The following B4GALNT4 variants were observed in gnomAD, a reference collection of about 807,000 sequenced individuals.
The protein encoded by B4GALNT4 is N-acetyl-beta-glucosaminyl-glycoprotein 4-beta-N-acetylgalactosaminyltransferase 1.
B4GALNT4 carries 77 observed loss-of-function variants against 110.0 expected under a neutral mutation model. The ratio of observed to expected loss-of-function variants is 0.70; its 90% CI spans 0.58 to 0.85. The LOEUF (loss-of-function observed/expected upper bound fraction) is 0.85. Among genes scored for constraint, B4GALNT4 ranks in the 40% least tolerant of loss-of-function variants. The pLI is 0.00. For synonymous variants in B4GALNT4, 785 were observed against 655.5 expected, an observed-to-expected ratio of 1.20 and a Z score of -3.02; for missense variants, 1,575 against 1,506.0, an observed-to-expected ratio of 1.05 and a Z score of -0.76.
Position 372,067 on chromosome 11 carries a change from A to G in B4GALNT4, c.152-42A>G. The G allele has an allele frequency of 2.7e-6, 4 of 1,502,534 alleles. No individual in the cohort carries two copies. In the South Asian group the frequency reaches 4.8e-5, roughly 18 times the overall value. 93.1% of individuals were successfully genotyped at this position (1,502,534 alleles called of 1,614,324 possible). ...CCAGCAGCAGGCAGAATGGCCTTGG[A>G]GAGAGCCTGGGCCCGAGACAGGCCT... On this transcript the variant is annotated intron_variant, in intron 1 of 19. Coordinates refer to ENST00000329962, the MANE Select transcript of B4GALNT4 (RefSeq NM_178537.5).
In B4GALNT4 at chr11:379,566, C is replaced by A; in HGVS notation, c.2353C>A (p.Arg785Ser). Reference protein sequence around the residue: ...EYVFLRLPGARVGDADGESPE... With the variant: ...EYVFLRLPGASVGDADGESPE... ...CGTCTTCCTGCGGCTGCCGGGAGCCCGCGTAGGGGATGCAGACGGAGAAAG... is the reference window on the plus strand; with the variant it reads ...CGTCTTCCTGCGGCTGCCGGGAGCCAGCGTAGGGGATGCAGACGGAGAAAG... The change falls in exon 15 of 20, where the codon CGC becomes AGC. Residue 785 changes from arginine to serine, a missense_variant. Coordinates refer to ENST00000329962, the MANE Select transcript of B4GALNT4 (RefSeq NM_178537.5). The A allele has an allele frequency of 6.3e-7, 1 of 1,586,556 alleles. No individual in the cohort carries two copies.
chr11:376,347 G>C lies in B4GALNT4; in HGVS notation c.1293G>C (p.Pro431=), dbSNP rs767838226. The change falls in exon 13 of 20, where the codon CCG becomes CCC. Residue 431 remains proline, a synonymous_variant. Transcript: ENST00000329962. The part of the protein sequence containing the change: ...VQRRAFLFLN[P]DDFLDDEDEG... ...GCCGAGCCTTCCTCTTCCTCAACCC[G>C]GACGGTGAGTGTCCGCAGCGCCCCT... The C allele has an allele frequency of 1.2e-6, 2 of 1,607,598 alleles. No homozygotes were observed. Among genetic ancestry groups the C allele is most frequent in the Non-Finnish European group, 1.7e-6 (2 of 1,177,338 alleles).
chr11:373,387 G>C, intron 6 of B4GALNT4, 62 bp from the exon 7 acceptor site: 5 of 1,552,636 alleles, frequency 3.2e-6, no homozygotes, highest in Non-Finnish European at 4.4e-6. Flanking sequence ...GATGGGTTTG[G>C]TGTCCCCAGG....
At position 376,609 on chromosome 11, in the gene B4GALNT4, TGGGCCGCCA is replaced by T; in HGVS notation, c.1495_1503del (p.Ala500_Arg502del). 7.2e-7 allele frequency: 1 copy of T among 1,392,440 alleles called. No individual in the cohort carries two copies. The highest frequency in any genetic ancestry group is 9.3e-7 in the Non-Finnish European group (1 of 1,075,650). The allele number at this position is 1,392,440 out of a possible 1,614,324, so 86.3% of individuals were successfully genotyped here. On this transcript the variant is annotated inframe_deletion, in exon 14 of 20. Transcript: ENST00000329962. The stretch of plus-strand genomic sequence containing the variant: ...CCCCAGGCACTCCCGGGCCCTGAGC[TGGGCCGCCA>T]GGGCCGCCCGCCCTTTGCCGCTCTT...
chr11:380,281 G>T lies in B4GALNT4; in HGVS notation c.2716-11G>T. 1 of 1,612,014 alleles carries T rather than the reference G, an allele frequency of 6.2e-7. No individual in the cohort carries two copies. Among genetic ancestry groups the T allele is most frequent in the Non-Finnish European group, 8.5e-7 (1 of 1,179,168 alleles). Reference sequence around the variant, plus strand: ...GCGGAGGGCGGGGCTCAGACCTCCCGCACCCCCCAGGACGCCAGCAGCATC... The same window carrying T: ...GCGGAGGGCGGGGCTCAGACCTCCCTCACCCCCCAGGACGCCAGCAGCATC... On this transcript the variant is annotated splice_polypyrimidine_tract_variant and intron_variant, in intron 17 of 19. Transcript: ENST00000329962.
chr11:373,066 G>T lies in B4GALNT4; in HGVS notation c.485G>T (p.Trp162Leu). Residue 162 changes from tryptophan to leucine, a missense_variant, in exon 5 of 20, where the codon TGG becomes TTG. Physicochemically the swap from Trp to Leu is moderately conservative, Grantham distance 61. Transcript: ENST00000329962. ...TVKKLAVSPK[W>L]KNYGLRIFGF... ...AAGAAGTTGGCCGTGTCCCCCAAGTGGAAGAACTATGGACTCCGTATTTTT... is the reference window on the plus strand; with the variant it reads ...AAGAAGTTGGCCGTGTCCCCCAAGTTGAAGAACTATGGACTCCGTATTTTT... 1 of 1,612,440 alleles carries T rather than the reference G, an allele frequency of 6.2e-7. No individual in the cohort carries two copies. The highest frequency in any genetic ancestry group is 1.7e-5 in the Admixed American group (1 of 59,982).
chr11:377,255 T>G lies in B4GALNT4; in HGVS notation c.2132T>G (p.Leu711Arg), dbSNP rs1846777313. 6.3e-7 allele frequency: 1 copy of G among 1,597,180 alleles called. No homozygotes were observed. Among genetic ancestry groups the G allele is most frequent in the Admixed American group, 1.7e-5 (1 of 58,088 alleles). ...CTGCGATGCAACGTTTCGGGGAACCTGCAGCTGCCGGAGGCGGAGGCCGTG... is the reference window on the plus strand; with the variant it reads ...CTGCGATGCAACGTTTCGGGGAACCGGCAGCTGCCGGAGGCGGAGGCCGTG... ...NDLRCNVSGN[L>R]QLPEAEAVDV... The change falls in exon 14 of 20, where the codon CTG becomes CGG. Residue 711 changes from leucine to arginine, a missense_variant. Coordinates refer to ENST00000329962, the MANE Select transcript of B4GALNT4 (RefSeq NM_178537.5).
rs1225319754 is a variant in B4GALNT4 at position 375,414 on chromosome 11, A to G, written c.784-47A>G. 1.9e-6 allele frequency: 3 copies of G among 1,600,904 alleles called. No individual in the cohort carries two copies. The Admixed American group carries it at 5.0e-5, about 27-fold the overall frequency. Reference sequence around the variant, plus strand: ...CCAGGGTAGACCCTTTCTTCCCTGGACCCAGCCACCGCCCTGTCCCTGACC... The same window carrying G: ...CCAGGGTAGACCCTTTCTTCCCTGGGCCCAGCCACCGCCCTGTCCCTGACC... On this transcript the variant is annotated intron_variant, in intron 8 of 19. Coordinates refer to ENST00000329962, the MANE Select transcript of B4GALNT4 (RefSeq NM_178537.5).
In B4GALNT4 at chr11:380,931, A is replaced by G. The variant is rs1414861545; in HGVS notation, c.2976A>G (p.Glu992=). Reference sequence around the variant, plus strand: ...AGTTCCGAGACCAGTGGGGGGGTGAAGACTGGGAGCTCCTGGACAGGTGAC... The same window carrying G: ...AGTTCCGAGACCAGTGGGGGGGTGAGGACTGGGAGCTCCTGGACAGGTGAC... The part of the protein sequence containing the change: ...TEEFRDQWGG[E]DWELLDRVLQ... Residue 992 remains glutamate, a synonymous_variant, in exon 19 of 20, where the codon GAA becomes GAG. Coordinates refer to ENST00000329962, the MANE Select transcript of B4GALNT4 (RefSeq NM_178537.5). The G allele has an allele frequency of 6.2e-7, 1 of 1,613,088 alleles. No individual in the cohort carries two copies. The highest frequency in any genetic ancestry group is 1.7e-5 in the Admixed American group (1 of 59,904).
chr11:379,755 C>T, intron 15 of B4GALNT4, 54 bp downstream of exon 15: 35 of 1,504,218 alleles, frequency 2.3e-5, no homozygotes, highest in Non-Finnish European at 3.0e-5. Context: ...GAACATGGAC[C>T]CTAATGACTA....
At position 376,082 on chromosome 11, in the gene B4GALNT4, G is replaced by A. The variant is rs1387081130; in HGVS notation, c.1104G>A (p.Leu368=). ...GCCCCCCCACCCCCCAGGTGTACCT[G>A]TCCTTCGTTTATCCCAACGACTACA... The part of the protein sequence containing the change: ...ARYQGLQFVY[L]SFVYPNDYTR... Residue 368 remains leucine, a synonymous_variant, in exon 12 of 20, where the codon CTG becomes CTA. Transcript: ENST00000329962. 6.2e-7 allele frequency: 1 copy of A among 1,608,824 alleles called. No individual in the cohort carries two copies. Among genetic ancestry groups the A allele is most frequent in the Admixed American group, 1.7e-5 (1 of 59,826 alleles).
intron 7 of B4GALNT4, 41 bp downstream of exon 7, chr11:373,557 C>T (rs374254969): frequency 1.2e-4 from 185 of 1,597,842 alleles, no homozygotes; most frequent in East Asian, 4.5e-4. Flanking sequence ...CTTGTGTATT[C>T]GTGGGAGGGG....
At chr11:374,406 G>C (rs1281551773) in intron 8 of B4GALNT4, among the ~76,000 whole-genome samples, 1 of 149,812 alleles carries the variant, frequency 6.7e-6, no homozygotes, top group African/African-American at 2.5e-5. Context: ...AGCCTGGTGG[G>C]TGTGGGGGGC....
Position 375,698 on chromosome 11 carries a change from G to T in B4GALNT4, c.910G>T (p.Val304Leu), listed in dbSNP as rs151090425. The T allele has an allele frequency of 5.0e-6, 8 of 1,594,254 alleles. No individual in the cohort carries two copies. The East Asian group carries it at 9.0e-5, about 18-fold the overall frequency. ...CGTCCCCCAGTCTCCAGCCAGCCAC[G>T]TGGGGGGGCGTCCGCCGCAGGAGGA... ...AHVPQSPASH[V>L]GGRPPQEETS... is the part of the protein sequence containing the mutation. The change falls in exon 10 of 20, where the codon GTG (valine) becomes TTG (leucine). Residue 304 changes from valine (V) to leucine (L), a missense_variant. Transcript: ENST00000329962.
chr11:375,514 C>T lies in B4GALNT4; in HGVS notation c.837C>T (p.Ile279=), dbSNP rs1846725656. 3 of 1,611,350 alleles carry T rather than the reference C, an allele frequency of 1.9e-6. No individual in the cohort carries two copies. Among genetic ancestry groups the T allele is most frequent in the Admixed American group, 3.3e-5 (2 of 59,988 alleles). The change falls in exon 9 of 20, where the codon ATC becomes ATT. Residue 279 remains isoleucine, a synonymous_variant. Coordinates refer to ENST00000329962, the MANE Select transcript of B4GALNT4 (RefSeq NM_178537.5). Reference sequence around the variant, plus strand: ...TCGAGGTCATCAGCTCTGCTCACATCTCCCTGTACACAGGTGCGAGCGGAC... The same window carrying T: ...TCGAGGTCATCAGCTCTGCTCACATTTCCCTGTACACAGGTGCGAGCGGAC... ...LKFEVISSAH[I]SLYTDESALK...
intron 14 of B4GALNT4, 131 bp downstream of exon 14, chr11:377,458 G>A: frequency 9.9e-7 from 1 of 1,011,994 alleles, no homozygotes; most frequent in East Asian, 3.3e-5. Flanking sequence ...GGGGGCTGAG[G>A]CACCGCGCCC....
intron 19 of B4GALNT4, 196 bp downstream of exon 19, chr11:381,147 G>T (rs61876285): frequency 1.0e-6 from 1 of 985,016 alleles, no homozygotes; most frequent in African/African-American, 1.7e-5. Context: ...CCCACCCCCA[G>T]GGTCCTGCAA....
Position 376,494 on chromosome 11 carries a change from C to G in B4GALNT4, c.1371C>G (p.Ser457Arg). The G allele has an allele frequency of 1.3e-6, 2 of 1,562,028 alleles. No homozygotes were observed. Among genetic ancestry groups the G allele is most frequent in the South Asian group, 1.2e-5 (1 of 86,644 alleles). The change falls in exon 14 of 20, where the codon AGC becomes AGG. Residue 457 changes from serine (S) to arginine (R), a missense_variant. Transcript: ENST00000329962. Reference sequence around the variant, plus strand: ...CCACCGAGGCGGCCCCGCCCAGGAGCGGCCCCCAGTCCCCCGCCCCAGCAG... The same window carrying G: ...CCACCGAGGCGGCCCCGCCCAGGAGGGGCCCCCAGTCCCCCGCCCCAGCAG... ...LEPTEAAPPR[S>R]GPQSPAPAAP...
Position 372,114 on chromosome 11 carries a change from G to A in B4GALNT4, c.157G>A (p.Glu53Lys). The A allele has an allele frequency of 6.5e-7, 1 of 1,549,222 alleles. No individual in the cohort carries two copies. Among genetic ancestry groups the A allele is most frequent in the Non-Finnish European group, 8.7e-7 (1 of 1,146,756 alleles). The stretch of plus-strand genomic sequence containing the variant: ...GCCTCATGTGCCACCTGCAGATGGT[G>A]AGAAGCTGACCAGTGAGACCGACGG... ...RQRLGYGRDG[E>K]KLTSETDGRG... is the part of the protein sequence containing the mutation. Residue 53 changes from glutamate (E) to lysine (K), a missense_variant, in exon 2 of 20, where the codon GAG (glutamate) becomes AAG (lysine). Physicochemically the swap from Glu to Lys is moderately conservative, Grantham distance 56. Coordinates refer to ENST00000329962, the MANE Select transcript of B4GALNT4 (RefSeq NM_178537.5).
Sources: allele counts gnomAD v4.1 joint callset (sites outside exome capture counted in the v4.1 genomes callset), GRCh38; gene constraint gnomAD v4.1.1; transcripts MANE v1.5; gene names NCBI Gene and HGNC (gene_info 2026-07-23, HGNC 2026-07-21).